The following UGGT1 variants were observed in gnomAD, a reference collection of about 807,000 sequenced individuals.
UGGT1 encodes UDP-glucose:glycoprotein glucosyltransferase 1.
In UGGT1, 107 loss-of-function variants were observed where a neutral mutation model predicts 203.9. The observed-to-expected ratio is 0.52, with a 90% CI of 0.45 to 0.62. The LOEUF (loss-of-function observed/expected upper bound fraction) is 0.62, where lower values mean the gene tolerates loss of function less well. UGGT1 is among the 20% of genes least tolerant of loss of function. The pLI is 0.00. For synonymous variants in UGGT1, 628 were observed against 653.5 expected (o/e 0.96, Z 0.59); for missense variants, 1,673 against 1,867.2 (o/e 0.90, Z 1.92).
intron 27 of UGGT1, 148 bp from the exon 28 acceptor site, chr2:128,171,057 A>T: frequency 1.4e-6 from 1 of 690,944 alleles, no homozygotes; most frequent in Non-Finnish European, 2.4e-6. Context: ...ATTGTGCAGT[A>T]GAGTTGTGAT....
chr2:128,149,223 G>A (rs71420828), intron 18 of UGGT1, among the ~76,000 whole-genome samples: 24,844 of 151,688 alleles, frequency 0.16, 2,399 homozygotes, highest in South Asian at 0.32. Context: ...TGTATGTTTT[G>A]AAGAGTTGGG....
intron 1 of UGGT1, among the ~76,000 whole-genome samples, chr2:128,095,999 A>G (rs1687101637): frequency 6.6e-6 from 1 of 152,198 alleles, no homozygotes; most frequent in Admixed American, 6.5e-5. Flanking sequence ...GTTCTCATTC[A>G]AATGGGTAGA....
At chr2:128,112,454 T>TTATATATATATATATATATATA (rs59726004) in intron 5 of UGGT1, among the ~76,000 whole-genome samples, 1,418 of 55,352 alleles carry the variant, frequency 0.026, 180 homozygotes, top group Non-Finnish European at 0.034. Flanking sequence ...AAATACTATG[T>TTATATATATATATATATATATA]TATATATATA....
intron 1 of UGGT1, 119 bp downstream of exon 1, chr2:128,091,534 G>T: frequency 6.8e-7 from 1 of 1,466,562 alleles, no homozygotes; most frequent in Non-Finnish European, 9.1e-7. Context: ...TTACCCTCTG[G>T]TGTCCTATCC....
rs1042349908 is a variant in UGGT1, at chr2:128,179,839, T to C, written c.3869T>C (p.Phe1290Ser). 6.2e-7 allele frequency: 1 copy of C among 1,614,104 alleles called. No individual in the cohort carries two copies. The highest frequency in any genetic ancestry group is 8.5e-7 in the Non-Finnish European group (1 of 1,179,976). Reference protein sequence around the residue: ...KNTKTPVKFWFLKNYLSPTFK... With the variant: ...KNTKTPVKFWSLKNYLSPTFK... ...ACCAAGACTCCTGTGAAATTCTGGT[T>C]CTTGAAGAATTACTTGTCCCCCACA... Residue 1290 changes from phenylalanine (F) to serine (S), a missense_variant, in exon 35 of 41, where the codon TTC (phenylalanine) becomes TCC (serine). This residue lies in a region of UGGT1 where 513 missense variants were observed against 684.1 expected (regional missense o/e 0.75). Transcript: ENST00000259253.
intron 25 of UGGT1, among the ~76,000 whole-genome samples, chr2:128,162,851 C>T (rs1396509172): frequency 1.3e-5 from 2 of 152,176 alleles, no homozygotes; most frequent in Non-Finnish European, 2.9e-5. Flanking sequence ...AGAGATGGCT[C>T]TCGATCTTTC....
At chr2:128,095,970 A>G (rs1353934139) in intron 1 of UGGT1, among the ~76,000 whole-genome samples, 1 of 152,182 alleles carries the variant, frequency 6.6e-6, no homozygotes, top group East Asian at 1.9e-4. Flanking sequence ...TGCTTCCCAC[A>G]TATTCACACC....
Position 128,170,379 on chromosome 2 carries a change from C to G in UGGT1, c.3013C>G (p.Pro1005Ala). Residue 1005 changes from proline to alanine, a missense_variant, in exon 27 of 41, where the codon CCT (proline) becomes GCT (alanine). Physicochemically the swap from Pro to Ala is conservative, Grantham distance 27. Around this residue, in one of 4 missense-constraint regions of UGGT1, gnomAD observed 513 missense variants for 684.1 expected, o/e 0.75. Coordinates refer to ENST00000259253, the MANE Select transcript of UGGT1 (RefSeq NM_020120.4). ...CACCAGAGAAGCACAGAGACTTGCT[C>G]CTTTGCTCTTGGTAGGAACGCTGTG... ...PVTREAQRLA[P>A]LLLVLAQLIN... 1 of 1,613,964 alleles carries G rather than the reference C, an allele frequency of 6.2e-7. No individual in the cohort carries two copies. The highest frequency in any genetic ancestry group is 8.5e-7 in the Non-Finnish European group (1 of 1,179,836).
intron 30 of UGGT1, among the ~76,000 whole-genome samples, 156 bp from the exon 31 acceptor site, chr2:128,174,617 A>T (rs1014712897): frequency 2.0e-5 from 3 of 152,042 alleles, no homozygotes; most frequent in African/African-American, 7.2e-5. Flanking sequence ...AGAGTTTTTA[A>T]TGTGTAGTTT....
chr2:128,141,606 AAAAAC>A (rs1318212479), intron 16 of UGGT1, among the ~76,000 whole-genome samples: 6 of 151,910 alleles, frequency 3.9e-5, no homozygotes, highest in Non-Finnish European at 7.4e-5. Flanking sequence ...CTCCATCTCA[AAAAAC>A]AAAACAAAAA....
chr2:128,119,558 T>G (rs1028511624), intron 8 of UGGT1, among the ~76,000 whole-genome samples: 1 of 152,244 alleles, frequency 6.6e-6, no homozygotes, highest in African/African-American at 2.4e-5. Flanking sequence ...TATAGTGGAA[T>G]ATGCTATATT....
At chr2:128,109,801 A>C (rs1017693130) in intron 5 of UGGT1, 55 bp downstream of exon 5, 5 of 1,443,292 alleles carry the variant, frequency 3.5e-6, no homozygotes, top group Non-Finnish European at 4.9e-6. Flanking sequence ...CTGCTTCTGC[A>C]TTTGGTCTAC....
intron 27 of UGGT1, among the ~76,000 whole-genome samples, chr2:128,170,865 T>C (rs1044984615): frequency 3.9e-5 from 6 of 152,238 alleles, no homozygotes; most frequent in Admixed American, 3.9e-4. Context: ...TAACCTTTTT[T>C]GTGAGTATTG....
chr2:128,104,459 G>A (rs904430209), intron 3 of UGGT1, among the ~76,000 whole-genome samples: 1 of 152,170 alleles, frequency 6.6e-6, no homozygotes, highest in African/African-American at 2.4e-5. Flanking sequence ...CAACTTGAGT[G>A]TTAAGGTATC....
chr2:128,138,255 C>T (rs1478524427), intron 15 of UGGT1, among the ~76,000 whole-genome samples: 5 of 152,200 alleles, frequency 3.3e-5, no homozygotes, highest in Non-Finnish European at 7.3e-5. Context: ...CATGGTGGCT[C>T]ATGCCTGTAA....
intron 18 of UGGT1, 88 bp from the exon 19 acceptor site, chr2:128,152,696 A>C: frequency 6.6e-7 from 1 of 1,509,926 alleles, no homozygotes; most frequent in Non-Finnish European, 8.9e-7. Context: ...GCCATTTATA[A>C]AGTTAATAAT....
intron 21 of UGGT1, 40 bp downstream of exon 21, chr2:128,156,455 T>A (rs749808462): frequency 6.7e-7 from 1 of 1,500,318 alleles, no homozygotes; most frequent in Non-Finnish European, 9.2e-7. Flanking sequence ...CTTAATTTTC[T>A]TCTTTGGTTT....
chr2:128,157,416 G>A (rs571840478), intron 22 of UGGT1, 70 bp downstream of exon 22: 64 of 1,295,896 alleles, frequency 4.9e-5, no homozygotes, highest in Middle Eastern at 1.9e-4. Flanking sequence ...TTCGCTGTGC[G>A]GCTAGGATTG....
chr2:128,123,432 T>C (rs1278076476), intron 11 of UGGT1, among the ~76,000 whole-genome samples, 186 bp downstream of exon 11: 1 of 152,234 alleles, frequency 6.6e-6, no homozygotes, highest in East Asian at 1.9e-4. Context: ...ACTGAAAGCA[T>C]GAAGTGGTGC....
Sources: allele counts gnomAD v4.1 joint callset (sites outside exome capture counted in the v4.1 genomes callset), GRCh38; gene constraint gnomAD v4.1.1; regional missense constraint gnomAD v4.1.1; transcripts MANE v1.5; gene names NCBI Gene and HGNC (gene_info 2026-07-23, HGNC 2026-07-21).